Variants in TMEM164 observed in about 807,000 individuals in gnomAD.
TMEM164 encodes the protein transmembrane protein 164.
TMEM164 carries 4 observed loss-of-function variants against 18.8 expected under a neutral mutation model. The ratio of observed to expected loss-of-function variants is 0.21; its 90% CI spans 0.10 to 0.49. TMEM164 has a LOEUF of 0.49. Among genes scored for constraint, TMEM164 ranks in the 20% least tolerant of loss-of-function variants. TMEM164 has a pLI of 0.98. For missense variants in TMEM164, 108 were observed against 239.9 expected (o/e 0.45, Z 3.63); for synonymous variants, 86 against 101.7 (o/e 0.85, Z 0.93).
intron 3 of TMEM164, 125 bp downstream of exon 3, chrX:110,067,521 A>C: frequency 3.2e-6 from 2 of 620,012 alleles, no homozygotes; most frequent in Non-Finnish European, 2.6e-6. Context: ...CACTTCCCAA[A>C]GGGATGAAGG....
At chrX:110,080,321 T>A (rs1022703986) in intron 3 of TMEM164, among the ~76,000 whole-genome samples, 1 of 112,178 alleles carries the variant, frequency 8.9e-6, no homozygotes, top group Non-Finnish European at 1.9e-5. Context: ...AGACCTGTTG[T>A]CTATTAAGTA....
Position 110,102,171 on chromosome X carries a change from C to CA in TMEM164, c.441-6895dup, listed in dbSNP as rs1218415300. Among the ~76,000 whole-genome samples the CA allele has an allele frequency of 7.6e-3, 579 of 75,767 alleles. 3 individuals carry two copies. The highest frequency in any genetic ancestry group is 0.051 in the South Asian group (83 of 1,633). The allele number at this position is 75,767 out of a possible 115,157, so 65.8% of individuals were successfully genotyped here. A position where few individuals can be genotyped will look rare whatever the true frequency, so the allele number is the denominator to read the frequency against. ...TGAAACCCCGTCTCTACAAAAAATA[C>CA]AAAAAAAAAAAAAACCAACACACCA... On this transcript the variant is annotated intron_variant, in intron 3 of 6. Coordinates refer to ENST00000372068, the MANE Select transcript of TMEM164 (RefSeq NM_032227.4).
At chrX:110,085,789 G>A (rs2065843876) in intron 3 of TMEM164, among the ~76,000 whole-genome samples, 1 of 111,880 alleles carries the variant, frequency 8.9e-6, no homozygotes, top group Non-Finnish European at 1.9e-5. Flanking sequence ...AGTGTTACTT[G>A]TGAGGGCTCC....
At chrX:110,005,099 T>C (rs1419465185) in intron 2 of TMEM164, among the ~76,000 whole-genome samples, 1 of 112,164 alleles carries the variant, frequency 8.9e-6, no homozygotes, top group Non-Finnish European at 1.9e-5. Flanking sequence ...TCAGTCTTTT[T>C]TAGATTTCAG....
At chrX:110,121,894 C>A (rs756896168) in intron 4 of TMEM164, among the ~76,000 whole-genome samples, 1 of 111,732 alleles carries the variant, frequency 8.9e-6, no homozygotes, top group Non-Finnish European at 1.9e-5. Flanking sequence ...GGTGTGATGT[C>A]GTAGAGGTTG....
chrX:110,110,969 C>T (rs1311032973), intron 4 of TMEM164, among the ~76,000 whole-genome samples: 1 of 112,098 alleles, frequency 8.9e-6, no homozygotes, highest in Non-Finnish European at 1.9e-5. Context: ...CCTTTTCTGC[C>T]AAGGACCCCA....
chrX:110,180,086 T>C (rs1397419961), downstream of TMEM164, among the ~76,000 whole-genome samples: 2 of 112,339 alleles, frequency 1.8e-5, no homozygotes, highest in African/African-American at 6.5e-5. Context: ...GGAAAAGCAC[T>C]AAGACCAACA....
At chrX:110,128,828 T>C (rs990412240) in intron 4 of TMEM164, among the ~76,000 whole-genome samples, 3 of 112,432 alleles carry the variant, frequency 2.7e-5, no homozygotes, top group African/African-American at 9.7e-5. Flanking sequence ...TCAGTTATTA[T>C]ATTTTTAATT....
downstream of TMEM164, among the ~76,000 whole-genome samples, chrX:110,179,587 C>T (rs1244072518): frequency 8.9e-6 from 1 of 112,367 alleles, no homozygotes; most frequent in African/African-American, 3.2e-5. Flanking sequence ...CAGCTTCCCA[C>T]TCTCCCGTTT....
At chrX:110,102,072 T>G (rs755152633) in intron 3 of TMEM164, among the ~76,000 whole-genome samples, 7 of 106,151 alleles carry the variant, frequency 6.6e-5, no homozygotes, top group Non-Finnish European at 1.2e-4. Context: ...ATGCCTGTAA[T>G]CCTAGCACTT....
At chrX:110,087,357 C>T (rs746319632) in intron 3 of TMEM164, among the ~76,000 whole-genome samples, 1 of 111,605 alleles carries the variant, frequency 9.0e-6, no homozygotes, top group Non-Finnish European at 1.9e-5. Flanking sequence ...GAGTTGGGCT[C>T]TCTTGTTTGT....
chrX:110,056,315 G>T (rs1935826942), intron 2 of TMEM164, among the ~76,000 whole-genome samples: 1 of 111,345 alleles, frequency 9.0e-6, no homozygotes, highest in Non-Finnish European at 1.9e-5. Context: ...CTTTCACTTA[G>T]TATGTTTTCG....
chrX:110,109,211 T>C (rs1362973407), intron 4 of TMEM164, 65 bp downstream of exon 4: 1 of 1,068,695 alleles, frequency 9.4e-7, no homozygotes, highest in African/African-American at 1.8e-5. Flanking sequence ...TATGCCCATG[T>C]GATTTTAAAA....
chrX:110,026,634 G>A (rs1252343559), intron 2 of TMEM164, among the ~76,000 whole-genome samples: 1 of 111,510 alleles, frequency 9.0e-6, no homozygotes, highest in Non-Finnish European at 1.9e-5. Flanking sequence ...TGCCTTATGC[G>A]CATGAACTCA....
intron 4 of TMEM164, among the ~76,000 whole-genome samples, chrX:110,113,031 C>T (rs2066313009): frequency 9.0e-6 from 1 of 110,521 alleles, no homozygotes; most frequent in Non-Finnish European, 1.9e-5. Context: ...TTCCTTCCTC[C>T]CTCCCTCCCC....
chrX:110,115,576 A>G (rs1207628246), intron 4 of TMEM164, among the ~76,000 whole-genome samples: 1 of 111,009 alleles, frequency 9.0e-6, no homozygotes, highest in Non-Finnish European at 1.9e-5. Context: ...CTAAGCTTTG[A>G]GGGTCTTAAA....
chrX:110,108,214 C>T (rs2066240264), intron 3 of TMEM164, among the ~76,000 whole-genome samples: 2 of 107,044 alleles, frequency 1.9e-5, no homozygotes, highest in Admixed American at 1.0e-4. Flanking sequence ...ATCAAATCAA[C>T]GTTTCTTCAA....
chrX:110,164,913 C>T (rs1425464830), intron 5 of TMEM164, among the ~76,000 whole-genome samples: 2 of 112,195 alleles, frequency 1.8e-5, no homozygotes, highest in South Asian at 3.7e-4. Flanking sequence ...TGGGTAACAA[C>T]AAAAGGGTGA....
In TMEM164 at chrX:110,034,885, T is replaced by C. The variant is rs1284788877; in HGVS notation, c.390+30721T>C. On this transcript the variant is annotated intron_variant, in intron 2 of 6. Transcript: ENST00000372068. ...CACATATACACCATGGAATACTATG[T>C]AGCCATAAAAAATGATGAGTTCATG... Among the ~76,000 whole-genome samples the C allele has an allele frequency of 1.6e-4, 17 of 104,366 alleles. 1 individual carries two copies. The South Asian group carries it at 3.2e-3, about 20-fold the overall frequency. The allele number at this position is 104,366 out of a possible 115,157, so 90.6% of individuals were successfully genotyped here.
Sources: allele counts gnomAD v4.1 joint callset (sites outside exome capture counted in the v4.1 genomes callset), GRCh38; gene constraint gnomAD v4.1.1; transcripts MANE v1.5; gene names NCBI Gene and HGNC (gene_info 2026-07-23, HGNC 2026-07-21).